The following MTCL2 variants were observed in gnomAD, a reference collection of about 807,000 sequenced individuals.
The protein encoded by MTCL2 is microtubule crosslinking factor 2.
At chr20:36,796,026 G>A in the MTCL2 span, among the ~76,000 whole-genome samples, 3 of 152,026 alleles carry the variant, frequency 2.0e-5, no homozygotes, top group Non-Finnish European at 4.4e-5. Flanking sequence ...TCCTTTTATC[G>A]GCTGCTTTCC....
the MTCL2 span, chr20:36,839,480 G>A: frequency 1.0e-5 from 16 of 1,592,828 alleles, no homozygotes; most frequent in African/African-American, 1.9e-4. The surrounding 1 kb of genome is among the most constrained non-coding windows in gnomAD (Gnocchi z 5.1). Context: ...TGGGCCCACA[G>A]TAGCAGCTAG....
chr20:36,787,474 C>T, the MTCL2 span, among the ~76,000 whole-genome samples: 17 of 152,190 alleles, frequency 1.1e-4, no homozygotes, highest in Non-Finnish European at 1.5e-4. Context: ...CTGCCCGCCT[C>T]GGCCTTCCAA....
At chr20:36,793,405 T>G in the MTCL2 span, 1 of 1,551,534 alleles carries the variant, frequency 6.4e-7, no homozygotes, top group Non-Finnish European at 8.7e-7. This position sits in a 1 kb window ranked among gnomAD's most constrained non-coding sequence, Gnocchi z 6.8. Flanking sequence ...GGTAGCTGGC[T>G]GGGGAGAGGG....
the MTCL2 span, among the ~76,000 whole-genome samples, chr20:36,805,299 T>G: frequency 6.6e-6 from 1 of 152,084 alleles, no homozygotes; most frequent in Admixed American, 6.5e-5. Context: ...GTTTGCCTGA[T>G]TCTGTCCCAA....
the MTCL2 span, among the ~76,000 whole-genome samples, chr20:36,859,176 T>A: frequency 4.0e-5 from 6 of 151,764 alleles, no homozygotes; most frequent in Admixed American, 3.9e-4. Context: ...AACGGGAGAG[T>A]CAGGTTTCAA....
the MTCL2 span, chr20:36,785,105 G>C: frequency 1.0e-6 from 1 of 985,460 alleles, no homozygotes; most frequent in South Asian, 4.7e-5. Flanking sequence ...GACCGCTGGG[G>C]CTGGCCAAGT....
chr20:36,800,936 G>A, the MTCL2 span, among the ~76,000 whole-genome samples: 5 of 152,196 alleles, frequency 3.3e-5, no homozygotes, highest in Admixed American at 1.3e-4. Context: ...AAATGCATAT[G>A]CCCTTGGATT....
chr20:36,850,851 C>T, the MTCL2 span, among the ~76,000 whole-genome samples: 15 of 152,186 alleles, frequency 9.9e-5, no homozygotes, highest in Non-Finnish European at 2.1e-4. Context: ...AACTGTGGTA[C>T]GTCCACGCAA....
the MTCL2 span, among the ~76,000 whole-genome samples, chr20:36,789,988 ATTTTTT>A: frequency 1.9e-4 from 21 of 110,714 alleles, no homozygotes; most frequent in African/African-American, 7.5e-4. Context: ...TAATTTTTGT[ATTTTTT>A]TTTTTTTTTT....
At chr20:36,836,734 A>G in the MTCL2 span, among the ~76,000 whole-genome samples, 19 of 151,866 alleles carry the variant, frequency 1.3e-4, no homozygotes, top group Non-Finnish European at 4.4e-5. Context: ...CGATCCTCCC[A>G]CTTCAGCCTC....
chr20:36,839,241 G>A, the MTCL2 span: 5 of 1,604,294 alleles, frequency 3.1e-6, no homozygotes, highest in South Asian at 1.1e-5. This position sits in a 1 kb window ranked among gnomAD's most constrained non-coding sequence, Gnocchi z 5.1. Flanking sequence ...CCAGACCACG[G>A]ATAAGCTCGC....
the MTCL2 span, chr20:36,782,831 G>C: frequency 8.5e-5 from 13 of 152,508 alleles, no homozygotes; most frequent in African/African-American, 2.4e-4. Flanking sequence ...CACCATGCCC[G>C]GCCAGGGGAA....
At chr20:36,803,064 G>T in the MTCL2 span, 11 of 1,608,958 alleles carry the variant, frequency 6.8e-6, no homozygotes, top group East Asian at 2.2e-4. Flanking sequence ...CTTCCAGTCG[G>T]GCCCTGCCCG....
chr20:36,794,066 C>A, the MTCL2 span: 1 of 1,551,428 alleles, frequency 6.4e-7, no homozygotes. This position sits in a 1 kb window ranked among gnomAD's most constrained non-coding sequence, Gnocchi z 5.4. Flanking sequence ...ACTCATGTTG[C>A]CTGACATCTC....
At chr20:36,806,940 A>G in the MTCL2 span, among the ~76,000 whole-genome samples, 5 of 152,222 alleles carry the variant, frequency 3.3e-5, no homozygotes, top group Admixed American at 3.3e-4. Flanking sequence ...TCTGAGACAA[A>G]CTGACTTAAA....
At chr20:36,841,880 T>TGGGTGG in the MTCL2 span, among the ~76,000 whole-genome samples, 9 of 126,852 alleles carry the variant, frequency 7.1e-5, no homozygotes, top group Non-Finnish European at 1.7e-4. Context: ...GTGGGGTGTG[T>TGGGTGG]GTGTGTGTGT....
the MTCL2 span, among the ~76,000 whole-genome samples, chr20:36,822,844 G>A: frequency 4.7e-5 from 7 of 150,452 alleles, no homozygotes; most frequent in Non-Finnish European, 8.8e-5. Context: ...TGCAACCTCC[G>A]CCTCCCAGGT....
At chr20:36,787,817 C>T in the MTCL2 span, among the ~76,000 whole-genome samples, 24 of 140,176 alleles carry the variant, frequency 1.7e-4, no homozygotes, top group South Asian at 4.6e-4. Context: ...ACCCAGGGTG[C>T]GGAGGTTGCA....
chr20:36,852,362 C>T, the MTCL2 span, among the ~76,000 whole-genome samples: 1 of 152,192 alleles, frequency 6.6e-6, no homozygotes, highest in Non-Finnish European at 1.5e-5. Flanking sequence ...AGTGGGCCGG[C>T]AGTGGCCACA....
Sources: allele counts gnomAD v4.1 joint callset (sites outside exome capture counted in the v4.1 genomes callset), GRCh38; gene constraint gnomAD v4.1.1; non-coding constraint Gnocchi (gnomAD v3.1); transcripts MANE v1.5; gene names NCBI Gene and HGNC (gene_info 2026-07-23, HGNC 2026-07-21).